The following PPM1H variants were observed in gnomAD, a reference collection of about 807,000 sequenced individuals.
PPM1H encodes the protein protein phosphatase, Mg2+/Mn2+ dependent 1H.
Under a neutral mutation model 54.9 loss-of-function variants are expected in PPM1H, and 27 were observed. The observed-to-expected ratio is 0.49, with a 90% CI of 0.36 to 0.68. PPM1H has a LOEUF of 0.68. PPM1H is among the 30% of genes least tolerant of loss of function. PPM1H has a pLI of 0.00. For missense variants in PPM1H, 596 were observed against 667.8 expected, an observed-to-expected ratio of 0.89 and a Z score of 1.19; for synonymous variants, 305 against 270.8, an observed-to-expected ratio of 1.13 and a Z score of -1.24.
intron 8 of PPM1H, among the ~76,000 whole-genome samples, chr12:62,687,969 A>G (rs1044081261): frequency 1.7e-4 from 26 of 149,238 alleles, no homozygotes; most frequent in Admixed American, 1.7e-3. Context: ...ACATTGCACC[A>G]CTGCACTCCA....
chr12:62,830,592 A>T, intron 2 of PPM1H, among the ~76,000 whole-genome samples: 1 of 152,050 alleles, frequency 6.6e-6, no homozygotes, highest in East Asian at 1.9e-4. Flanking sequence ...CTGAGGCTCA[A>T]AGAATAACCA....
chr12:62,665,503 A>G (rs972769360), intron 9 of PPM1H, among the ~76,000 whole-genome samples: 5 of 152,144 alleles, frequency 3.3e-5, no homozygotes, highest in Admixed American at 6.5e-5. Context: ...CCATCTTTTT[A>G]GTCTCTTAAT....
At chr12:62,840,400 T>C (rs1868699703) in intron 1 of PPM1H, among the ~76,000 whole-genome samples, 2 of 152,118 alleles carry the variant, frequency 1.3e-5, no homozygotes, top group African/African-American at 4.8e-5. Context: ...TTTCAACATA[T>C]GCATTGGGAG....
chr12:62,754,069 T>C lies in PPM1H; in HGVS notation c.870-16483A>G, dbSNP rs115429712. On this transcript the variant is annotated intron_variant, in intron 4 of 9. Transcript: ENST00000228705. ...TGCTGCAATAAAAGGGATCAAATCC[T>C]CTGACTTCAATGGATTATATTTTAG... Among the ~76,000 whole-genome samples, 1,392 of 152,290 alleles carry C rather than the reference T, an allele frequency of 9.1e-3. 18 individuals carry two copies. Among genetic ancestry groups the C allele is most frequent in the African/African-American group, 0.031 (1,286 of 41,544 alleles).
At chr12:62,679,055 C>T (rs143360481) in intron 8 of PPM1H, among the ~76,000 whole-genome samples, 2,103 of 151,508 alleles carry the variant, frequency 0.014, 54 homozygotes, top group African/African-American at 0.048. Context: ...GGTGAGATCT[C>T]GGCTCACTGC....
intron 1 of PPM1H, among the ~76,000 whole-genome samples, chr12:62,924,779 C>T (rs371865819): frequency 3.3e-5 from 5 of 152,220 alleles, no homozygotes; most frequent in Non-Finnish European, 5.9e-5. Context: ...TGGTGGCTCA[C>T]GCCTGCACTC....
At chr12:62,879,210 G>C (rs957280187) in intron 1 of PPM1H, among the ~76,000 whole-genome samples, 1 of 152,182 alleles carries the variant, frequency 6.6e-6, no homozygotes, top group Non-Finnish European at 1.5e-5. Flanking sequence ...CTCCTCTGGA[G>C]GCTGTGGTGG....
chr12:62,718,817 T>C (rs1166255019), intron 6 of PPM1H, among the ~76,000 whole-genome samples: 1 of 152,192 alleles, frequency 6.6e-6, no homozygotes, highest in Non-Finnish European at 1.5e-5. Flanking sequence ...GTTGGTATGA[T>C]GACCCTGGGG....
At chr12:62,798,010 T>G (rs1219249101) in intron 3 of PPM1H, among the ~76,000 whole-genome samples, 1 of 152,098 alleles carries the variant, frequency 6.6e-6, no homozygotes, top group African/African-American at 2.4e-5. Context: ...CAAAGAATGG[T>G]GAGCTTCTCA....
intron 9 of PPM1H, 133 bp from the exon 10 acceptor site, chr12:62,648,769 G>C (rs2075800283): frequency 1.9e-6 from 2 of 1,026,374 alleles, no homozygotes; most frequent in East Asian, 2.6e-5. Flanking sequence ...ATACGAAAAA[G>C]ACAAGGTCAT....
chr12:62,809,780 TC>T (rs1257491329), intron 2 of PPM1H, among the ~76,000 whole-genome samples: 2 of 152,234 alleles, frequency 1.3e-5, no homozygotes, highest in East Asian at 3.8e-4. Flanking sequence ...TAGTTACTAT[TC>T]ACTCTTCAGC....
chr12:62,812,004 T>C (rs1174906419), intron 2 of PPM1H, among the ~76,000 whole-genome samples: 3 of 152,244 alleles, frequency 2.0e-5, no homozygotes, highest in African/African-American at 7.2e-5. Flanking sequence ...TAAGTAACTC[T>C]GCTGGTATGT....
chr12:62,801,960 C>A lies in PPM1H; in HGVS notation c.612G>T (p.Arg204=), dbSNP rs777374439. Residue 204 remains arginine, a synonymous_variant, in exon 3 of 10, where the codon CGG becomes CGT. Coordinates refer to ENST00000228705, the MANE Select transcript of PPM1H (RefSeq NM_020700.2). ...GCAGGGAGGCTGCCCGGGTCAGAGTCCGGCTGTTGGCGGGCGTGTTCTCAG... is the reference window on the plus strand; with the variant it reads ...GCAGGGAGGCTGCCCGGGTCAGAGTACGGCTGTTGGCGGGCGTGTTCTCAG... ...EEPENTPANS[R]TLTRAASLRG... 2.1e-5 allele frequency: 34 copies of A among 1,612,572 alleles called. No homozygotes were observed. The highest frequency in any genetic ancestry group is 2.7e-5 in the Non-Finnish European group (32 of 1,179,140).
chr12:62,691,059 T>C (rs1265480312), intron 7 of PPM1H, among the ~76,000 whole-genome samples: 1 of 152,066 alleles, frequency 6.6e-6, no homozygotes, highest in East Asian at 1.9e-4. Flanking sequence ...ACATAAAATA[T>C]GGTTAAGTAC....
intron 1 of PPM1H, among the ~76,000 whole-genome samples, chr12:62,884,961 G>C (rs1271184587): frequency 1.3e-5 from 2 of 152,158 alleles, no homozygotes; most frequent in Admixed American, 1.3e-4. Context: ...ACACACCCGA[G>C]TCTGGGAAGA....
chr12:62,932,687 T>G (rs993813608), intron 1 of PPM1H, among the ~76,000 whole-genome samples: 2 of 127,318 alleles, frequency 1.6e-5, no homozygotes, highest in Non-Finnish European at 3.1e-5. Context: ...CAGGCTGGAG[T>G]GCAATGGCGC....
chr12:62,839,719 A>G (rs1252568801), intron 1 of PPM1H, among the ~76,000 whole-genome samples: 3 of 151,850 alleles, frequency 2.0e-5, no homozygotes, highest in Non-Finnish European at 4.4e-5. Flanking sequence ...CAAGGACCCT[A>G]TAGTCATTTA....
intron 4 of PPM1H, among the ~76,000 whole-genome samples, chr12:62,783,153 G>C (rs2076651654): frequency 6.6e-6 from 1 of 152,302 alleles, no homozygotes; most frequent in Admixed American, 6.5e-5. Context: ...ATTTAAAATA[G>C]TCTTAGAACT....
At chr12:62,859,980 T>A (rs1869538475) in intron 1 of PPM1H, among the ~76,000 whole-genome samples, 1 of 152,206 alleles carries the variant, frequency 6.6e-6, no homozygotes, top group Non-Finnish European at 1.5e-5. Context: ...TGTGTGCTTG[T>A]CTTCTGGGGA....
Sources: gnomAD v4.1 joint callset for allele counts (sites outside exome capture counted in the v4.1 genomes callset) on GRCh38, gnomAD v4.1.1 for gene constraint, MANE v1.5 for transcripts, NCBI Gene and HGNC (gene_info 2026-07-23, HGNC 2026-07-21) for gene names.